ZSCAN25: variants seen among roughly 807,000 people sequenced by gnomAD.
ZSCAN25 encodes zinc finger and SCAN domain containing 25, also known as zinc finger and SCAN domain-containing protein 25.
A neutral mutation model predicts 38.7 loss-of-function variants in ZSCAN25; 27 were observed. The observed-to-expected ratio is 0.70, with a 90% CI of 0.51 to 0.96. ZSCAN25 has a LOEUF of 0.96. Among genes scored for constraint, ZSCAN25 ranks in the 40% least tolerant of loss-of-function variants. The pLI is 0.00. For synonymous variants in ZSCAN25, 273 were observed against 277.7 expected, an observed-to-expected ratio of 0.98 and a Z score of 0.17; for missense variants, 637 against 705.9, an observed-to-expected ratio of 0.90 and a Z score of 1.11.
chr7:99,686,374 G>A, the ZSCAN25 span, among the ~76,000 whole-genome samples: 11 of 152,260 alleles, frequency 7.2e-5, no homozygotes, highest in Middle Eastern at 6.8e-3. Context: ...CACATGGCTC[G>A]GAGGGTCCTA....
chr7:99,679,766 G>A, the ZSCAN25 span: 1 of 1,518,544 alleles, frequency 6.6e-7, no homozygotes. Flanking sequence ...AAGGGAAAAG[G>A]GGCCCGATTA....
At chr7:99,722,288 A>T in the ZSCAN25 span, 1 of 1,613,656 alleles carries the variant, frequency 6.2e-7, no homozygotes, top group Non-Finnish European at 8.5e-7. Context: ...ATCTTCCAGA[A>T]TACTCACCCC....
the ZSCAN25 span, chr7:99,709,345 A>G: frequency 1.9e-6 from 3 of 1,546,642 alleles, no homozygotes; most frequent in South Asian, 2.4e-5. Context: ...TTGAACTGTT[A>G]GAAGTTCCAG....
chr7:99,642,795 T>G, the ZSCAN25 span, among the ~76,000 whole-genome samples: 1 of 152,200 alleles, frequency 6.6e-6, no homozygotes, highest in Non-Finnish European at 1.5e-5. Flanking sequence ...AGTAGAAACT[T>G]TGCTTTTTTT....
In ZSCAN25 at chr7:99,631,783, A is replaced by G. The variant is rs999337250; in HGVS notation, c.*1763A>G. The stretch of plus-strand genomic sequence containing the variant: ...TGACGCTCCTTGGTCTTCCTGGCTC[A>G]TTAGCTGTGCCCACGAGGCTGCACT... On this transcript the variant is annotated 3_prime_UTR_variant, in exon 8 of 8. Coordinates refer to ENST00000394152, the MANE Select transcript of ZSCAN25 (RefSeq NM_145115.3). 5.6e-5 allele frequency: 55 copies of G among 985,444 alleles called. No individual in the cohort carries two copies. The African/African-American group carries it at 8.7e-4, about 16-fold the overall frequency. The allele number at this position is 985,444 out of a possible 1,614,324, so 61.0% of individuals were successfully genotyped here. A position where few individuals can be genotyped will look rare whatever the true frequency, so the allele number is the denominator to read the frequency against.
chr7:99,672,303 G>T, the ZSCAN25 span, among the ~76,000 whole-genome samples: 2 of 152,058 alleles, frequency 1.3e-5, no homozygotes, highest in Admixed American at 6.6e-5. Context: ...ACCTGCCTCG[G>T]CCTCCCAAAG....
At chr7:99,686,944 C>T in the ZSCAN25 span, among the ~76,000 whole-genome samples, 1 of 152,216 alleles carries the variant, frequency 6.6e-6, no homozygotes, top group East Asian at 1.9e-4. Flanking sequence ...TAGCAAACTC[C>T]AACAGACCTG....
rs147649020 is a variant in ZSCAN25, at chr7:99,619,892, C to A, written c.286C>A (p.Arg96Ser). ...VLEQFLTILPREFYAWIREHG... is the reference protein window; with the variant it reads ...VLEQFLTILPSEFYAWIREHG... The stretch of plus-strand genomic sequence containing the variant: ...GGAGCAGTTCCTCACTATCCTGCCC[C>A]GCGAGTTCTACGCCTGGATCCGGGA... Residue 96 changes from arginine (R) to serine (S), a missense_variant, in exon 4 of 8, where the codon CGC becomes AGC. By Grantham distance (110) the Arg-to-Ser change is moderately radical (BLOSUM62 -1). Coordinates refer to ENST00000394152, the MANE Select transcript of ZSCAN25 (RefSeq NM_145115.3). 4 of 1,614,076 alleles carry A rather than the reference C, an allele frequency of 2.5e-6. No individual in the cohort carries two copies. In the African/African-American group the frequency reaches 4.0e-5, roughly 16 times the overall value.
chr7:99,670,503 A>G, the ZSCAN25 span, among the ~76,000 whole-genome samples: 2 of 152,234 alleles, frequency 1.3e-5, no homozygotes, highest in African/African-American at 4.8e-5. Flanking sequence ...GATTTCTGAA[A>G]AAATCATCAA....
At chr7:99,737,214 C>G in the ZSCAN25 span, among the ~76,000 whole-genome samples, 6 of 152,252 alleles carry the variant, frequency 3.9e-5, no homozygotes, top group Non-Finnish European at 5.9e-5. Flanking sequence ...AGCTTCCCAA[C>G]TGATACTGAT....
the ZSCAN25 span, among the ~76,000 whole-genome samples, chr7:99,722,029 A>G: frequency 2.0e-5 from 3 of 152,204 alleles, no homozygotes; most frequent in Non-Finnish European, 4.4e-5. Context: ...CAAAATCCAC[A>G]TGAAGTCCTC....
chr7:99,631,912 T>C lies in ZSCAN25; in HGVS notation c.*1892T>C. On this transcript the variant is annotated 3_prime_UTR_variant, in exon 8 of 8. Transcript: ENST00000394152. ...ATCAGCTTTTTTTCCCCCGTAATTATCAGAGCAGCTAGGCAGGGCTGACAG... is the reference window on the plus strand; with the variant it reads ...ATCAGCTTTTTTTCCCCCGTAATTACCAGAGCAGCTAGGCAGGGCTGACAG... 1 of 985,508 alleles carries C rather than the reference T, an allele frequency of 1.0e-6. No individual in the cohort carries two copies. Among genetic ancestry groups the C allele is most frequent in the Non-Finnish European group, 1.2e-6 (1 of 829,986 alleles). 61.0% of individuals were successfully genotyped at this position (985,508 alleles called of 1,614,324 possible).
At chr7:99,645,926 G>A in the ZSCAN25 span, among the ~76,000 whole-genome samples, 1 of 152,150 alleles carries the variant, frequency 6.6e-6, no homozygotes, top group Non-Finnish European at 1.5e-5. Context: ...CACTGTAGAT[G>A]TGTAGATTTG....
the ZSCAN25 span, among the ~76,000 whole-genome samples, chr7:99,676,836 TG>T: frequency 6.6e-6 from 1 of 152,172 alleles, no homozygotes; most frequent in African/African-American, 2.4e-5. Flanking sequence ...ACTGTGTTCA[TG>T]GCTTCTATTG....
At chr7:99,628,487 A>G (rs995450409) in intron 7 of ZSCAN25, among the ~76,000 whole-genome samples, 1 of 152,194 alleles carries the variant, frequency 6.6e-6, no homozygotes, top group Non-Finnish European at 1.5e-5. Context: ...GTGAGGATGA[A>G]GGAAGGGTGA....
intron 7 of ZSCAN25, 193 bp downstream of exon 7, chr7:99,624,373 GA>G: frequency 1.6e-6 from 1 of 628,732 alleles, no homozygotes; most frequent in Non-Finnish European, 2.7e-6. Flanking sequence ...GATGGAGCAG[GA>G]AAACATGAGG....
the ZSCAN25 span, among the ~76,000 whole-genome samples, chr7:99,674,004 C>G: frequency 2.0e-5 from 3 of 152,156 alleles, no homozygotes; most frequent in African/African-American, 7.2e-5. Flanking sequence ...TTATCAGAAC[C>G]AAAGTGATGT....
chr7:99,628,996 A>T (rs1807736553), intron 7 of ZSCAN25, among the ~76,000 whole-genome samples, 195 bp from the exon 8 acceptor site: 1 of 152,204 alleles, frequency 6.6e-6, no homozygotes, highest in African/African-American at 2.4e-5. Context: ...GGGCACTGGA[A>T]TTTGGCAGAC....
At chr7:99,663,519 AC>A in the ZSCAN25 span, 1 of 991,784 alleles carries the variant, frequency 1.0e-6, no homozygotes, top group Non-Finnish European at 1.2e-6. Flanking sequence ...CACATTTACC[AC>A]ACACTACATG....
Sources: allele counts gnomAD v4.1 joint callset (sites outside exome capture counted in the v4.1 genomes callset), GRCh38; gene constraint gnomAD v4.1.1; transcripts MANE v1.5; gene names NCBI Gene and HGNC (gene_info 2026-07-23, HGNC 2026-07-21).